The following RANBP3 variants were observed in gnomAD, a reference collection of about 807,000 sequenced individuals.
RANBP3 encodes the protein ran-binding protein 3.
In RANBP3, 14 loss-of-function variants were observed where a neutral mutation model predicts 77.3. The observed-to-expected ratio is 0.18, with a 90% CI of 0.12 to 0.28. The LOEUF (loss-of-function observed/expected upper bound fraction) is 0.28. Ranked by LOEUF, RANBP3 falls within the 10% of genes least tolerant of loss-of-function variation. RANBP3 has a pLI of 1.00. For synonymous variants in RANBP3, 315 were observed against 312.4 expected, an observed-to-expected ratio of 1.01 and a Z score of -0.09; for missense variants, 586 against 752.3, an observed-to-expected ratio of 0.78 and a Z score of 2.59.
intron 5 of RANBP3, among the ~76,000 whole-genome samples, chr19:5,938,737 C>G (rs1381361176): frequency 2.0e-5 from 3 of 152,058 alleles, no homozygotes; most frequent in African/African-American, 7.2e-5. Flanking sequence ...ACATATTTAT[C>G]TAGGTAGGTC....
In RANBP3 at chr19:5,925,670, G is replaced by A; in HGVS notation, c.881C>T (p.Thr294Ile). 1 of 1,614,070 alleles carries A rather than the reference G, an allele frequency of 6.2e-7. No individual in the cohort carries two copies. The highest frequency in any genetic ancestry group is 8.5e-7 in the Non-Finnish European group (1 of 1,179,992). ...NAGHPSADTP[T>I]ATNYFLQYIS... ...ATACTGGAGGAAATAGTTCGTTGCG[G>A]TTGGCGTGTCTGCGCTGGGGTGTCC... Residue 294 changes from threonine to isoleucine, a missense_variant, in exon 10 of 17, where the codon ACC becomes ATC. Transcript: ENST00000340578.
intron 16 of RANBP3, 46 bp downstream of exon 16, chr19:5,917,748 G>C (rs750064687): frequency 6.3e-7 from 1 of 1,585,554 alleles, no homozygotes. Context: ...CAAGGATGGC[G>C]GGCAGCTCTT....
chr19:5,922,799 G>A (rs2145029795), intron 13 of RANBP3, among the ~76,000 whole-genome samples: 1 of 152,260 alleles, frequency 6.6e-6, no homozygotes, highest in South Asian at 2.1e-4. Flanking sequence ...AATTAGCCTG[G>A]CGTGGTGGTG....
At chr19:5,953,488 T>C (rs761521979) in intron 2 of RANBP3, among the ~76,000 whole-genome samples, 1 of 152,200 alleles carries the variant, frequency 6.6e-6, no homozygotes, top group Non-Finnish European at 1.5e-5. Flanking sequence ...CTGTACTTTC[T>C]GCTAAATAGC....
At chr19:5,977,953 G>A (rs2058617405) in intron 1 of RANBP3, 108 bp downstream of exon 1, 1 of 1,429,036 alleles carries the variant, frequency 7.0e-7, no homozygotes, top group Non-Finnish European at 9.4e-7. Context: ...GCCTGGAGCG[G>A]ACGAAACCCT....
At chr19:5,926,298 G>C (rs982978163) in intron 9 of RANBP3, among the ~76,000 whole-genome samples, 3 of 152,142 alleles carry the variant, frequency 2.0e-5, no homozygotes. Context: ...TGTAATACCA[G>C]CACTTTGGGA....
intron 3 of RANBP3, among the ~76,000 whole-genome samples, chr19:5,949,169 A>G (rs1296083484): frequency 1.3e-5 from 2 of 152,204 alleles, no homozygotes; most frequent in Non-Finnish European, 2.9e-5. Context: ...GCCGGGTAAC[A>G]TGGGGGTGGT....
chr19:5,940,153 T>C (rs1002335539), intron 5 of RANBP3, among the ~76,000 whole-genome samples: 29 of 152,182 alleles, frequency 1.9e-4, no homozygotes, highest in Non-Finnish European at 4.0e-4. Flanking sequence ...GCTGAGTGTC[T>C]CTTGGGGGCT....
chr19:5,958,052 G>A lies in RANBP3; in HGVS notation c.23-79C>T, dbSNP rs1211017737. On this transcript the variant is annotated intron_variant, in intron 1 of 16. Transcript: ENST00000340578. The surrounding 1 kb of genome is among the most constrained non-coding windows in gnomAD (Gnocchi z 4.4). ...ACAAAGCTACACTTGTTTGTAATAT[G>A]TTAAACATATATATAAATGAAACTA... 7.9e-7 allele frequency: 1 copy of A among 1,268,760 alleles called. No individual in the cohort carries two copies. The highest frequency in any genetic ancestry group is 1.5e-5 in the African/African-American group (1 of 67,266). 78.6% of individuals were successfully genotyped at this position (1,268,760 alleles called of 1,614,324 possible).
In RANBP3 at chr19:5,917,882, G is replaced by A. The variant is rs367970061; in HGVS notation, c.1572C>T (p.Pro524=). ...RVEQEQEAKM[P]APEPGAAPSN... ...ATGGGGCTGCCCCAGGCTCAGGCGC[G>A]GGCATCTTGGCCTCCTGCTCCTGCT... Residue 524 remains proline (P), a synonymous_variant, in exon 16 of 17, where the codon CCC becomes CCT. Transcript: ENST00000340578. 29 of 1,612,608 alleles carry A rather than the reference G, an allele frequency of 1.8e-5. No homozygotes were observed. The highest frequency in any genetic ancestry group is 1.1e-4 in the East Asian group (5 of 44,890).
chr19:5,947,784 G>A lies in RANBP3; in HGVS notation c.282+3609C>T, dbSNP rs182095493. On this transcript the variant is annotated intron_variant, in intron 3 of 16. Transcript: ENST00000340578. ...CTGGTGGCGCAACAAGCTCCCCACC[G>A]GCAGCCATAGGGAGCTTGTGGGAAG... 4.5e-3 allele frequency among the ~76,000 whole-genome samples: 683 copies of A among 152,294 alleles called. 4 individuals are homozygous for A. The highest frequency in any genetic ancestry group is 0.041 in the Middle Eastern group (12 of 294).
rs2144991929 is a variant in RANBP3, at chr19:5,916,877, T to A, written c.*733A>T. On this transcript the variant is annotated 3_prime_UTR_variant, in exon 17 of 17. Coordinates refer to ENST00000340578, the MANE Select transcript of RANBP3 (RefSeq NM_007322.3). ...CCCCATGACTTGGCCTGGAGGAACC[T>A]GGGGTGGGAAACAAGTAGTCCCCCA... The A allele has an allele frequency of 6.6e-6, 1 of 152,330 alleles. No homozygotes were observed. Among genetic ancestry groups the A allele is most frequent in the East Asian group, 1.9e-4 (1 of 5,158 alleles). 9.4% of individuals were successfully genotyped at this position (152,330 alleles called of 1,614,324 possible). A position where few individuals can be genotyped will look rare whatever the true frequency, so the allele number is the denominator to read the frequency against.
intron 1 of RANBP3, among the ~76,000 whole-genome samples, chr19:5,965,192 C>T (rs1197555707): frequency 6.6e-6 from 1 of 152,000 alleles, no homozygotes; most frequent in Non-Finnish European, 1.5e-5. Context: ...AATCTGGGAC[C>T]CAGGTGGCTT....
intron 5 of RANBP3, among the ~76,000 whole-genome samples, chr19:5,939,562 T>G (rs189407607): frequency 6.6e-6 from 1 of 152,100 alleles, no homozygotes; most frequent in Admixed American, 6.5e-5. Flanking sequence ...CTTGATGGCA[T>G]AAAAACATTG....
At chr19:5,923,753 C>A in intron 12 of RANBP3, 59 bp downstream of exon 12, 1 of 1,406,904 alleles carries the variant, frequency 7.1e-7, no homozygotes, top group Admixed American at 1.7e-5. Context: ...GTGAATGGAC[C>A]CAGCATCCCC....
At chr19:5,932,036 A>AAAAT (rs375270559) in intron 7 of RANBP3, among the ~76,000 whole-genome samples, 4,249 of 152,058 alleles carry the variant, frequency 0.028, 77 homozygotes, top group Non-Finnish European at 0.044. Flanking sequence ...CCCCATCTCC[A>AAAAT]AAATAAATAA....
intron 3 of RANBP3, among the ~76,000 whole-genome samples, chr19:5,949,113 G>A (rs1370628196): frequency 6.6e-6 from 1 of 152,162 alleles, no homozygotes; most frequent in Non-Finnish European, 1.5e-5. Context: ...TTCCCCCCAG[G>A]GACCATGGAA....
intron 1 of RANBP3, among the ~76,000 whole-genome samples, chr19:5,972,885 A>G (rs2145286860): frequency 6.6e-6 from 1 of 152,330 alleles, no homozygotes; most frequent in African/African-American, 2.4e-5. Flanking sequence ...TGAATGCACG[A>G]GGGTGCCGGG....
chr19:5,935,887 G>A (rs1452066342), intron 5 of RANBP3: 7 of 446,494 alleles, frequency 1.6e-5, no homozygotes, highest in Middle Eastern at 3.3e-4. Context: ...GCCAGAGCCC[G>A]ACGCCTGCCA....
Sources: gnomAD v4.1 joint callset for allele counts (sites outside exome capture counted in the v4.1 genomes callset) on GRCh38, gnomAD v4.1.1 for gene constraint, Gnocchi (gnomAD v3.1) non-coding constraint, MANE v1.5 for transcripts, NCBI Gene and HGNC (gene_info 2026-07-23, HGNC 2026-07-21) for gene names.